The following RBFOX2 variants were observed in gnomAD, a reference collection of about 807,000 sequenced individuals.
RBFOX2 encodes the protein RNA binding protein fox-1 homolog 2.
Under a neutral mutation model 49.1 loss-of-function variants are expected in RBFOX2, and 10 were observed. The observed-to-expected ratio is 0.20, with a 90% CI of 0.13 to 0.35. The LOEUF (loss-of-function observed/expected upper bound fraction) is 0.35. Ranked by LOEUF, RBFOX2 falls within the 10% of genes least tolerant of loss-of-function variation. RBFOX2 has a pLI of 1.00. For missense variants in RBFOX2, 323 were observed against 486.9 expected (o/e 0.66, Z 3.17); for synonymous variants, 183 against 187.4 (o/e 0.98, Z 0.19).
At chr22:35,756,437 C>A (rs1936965809) in intron 9 of RBFOX2, among the ~76,000 whole-genome samples, 1 of 152,028 alleles carries the variant, frequency 6.6e-6, no homozygotes, top group Admixed American at 6.5e-5. Context: ...CCTAGAAGAG[C>A]CTATTATATC....
intron 1 of RBFOX2, among the ~76,000 whole-genome samples, chr22:35,901,874 G>A (rs2149453336): frequency 6.6e-6 from 1 of 152,130 alleles, no homozygotes; most frequent in East Asian, 1.9e-4. Context: ...TTGAGTTCAG[G>A]AGTTCAAGAC....
At chr22:35,914,011 G>A (rs1231753474) in intron 1 of RBFOX2, among the ~76,000 whole-genome samples, 2 of 152,138 alleles carry the variant, frequency 1.3e-5, no homozygotes, top group East Asian at 1.9e-4. Context: ...TGTGAAAGAG[G>A]AGACAGTAAT....
chr22:36,000,901 T>C (rs2058387517), intron 1 of RBFOX2, among the ~76,000 whole-genome samples: 1 of 152,070 alleles, frequency 6.6e-6, no homozygotes. Context: ...ATTTTAGAAA[T>C]GAAAGTTCTT....
intron 1 of RBFOX2, among the ~76,000 whole-genome samples, chr22:35,977,733 T>TATATAG (rs2057252898): frequency 9.6e-6 from 1 of 104,128 alleles, no homozygotes; most frequent in Non-Finnish European, 2.2e-5. Flanking sequence ...TATATATATA[T>TATATAG]ATATATATAT....
At chr22:35,752,628 G>A (rs895011983) in intron 9 of RBFOX2, 3 of 984,050 alleles carry the variant, frequency 3.0e-6, no homozygotes, top group Non-Finnish European at 3.6e-6. Flanking sequence ...GTATTTTAGC[G>A]CTAATGATTG....
chr22:35,792,790 T>C (rs1948018338), intron 2 of RBFOX2, among the ~76,000 whole-genome samples: 2 of 152,250 alleles, frequency 1.3e-5, no homozygotes. Context: ...AAAAACACTT[T>C]AAAATTTTCA....
At chr22:35,972,844 G>A (rs2056954399) in intron 1 of RBFOX2, among the ~76,000 whole-genome samples, 1 of 152,108 alleles carries the variant, frequency 6.6e-6, no homozygotes, top group Non-Finnish European at 1.5e-5. Flanking sequence ...AACCAAGACA[G>A]GCCATTAAAA....
Position 35,961,192 on chromosome 22 carries a change from C to T in RBFOX2, c.42+371G>A, listed in dbSNP as rs1459472591. The stretch of plus-strand genomic sequence containing the variant: ...CAGCAGGCATTAATGAAGCATTTAA[C>T]TGCATGCAGCACCATAAAAGGTATT... On this transcript the variant is annotated intron_variant, in intron 1 of 5. Transcript: ENST00000408983. Among the ~76,000 whole-genome samples the T allele has an allele frequency of 5.9e-5, 9 of 152,312 alleles. No homozygotes were observed. In the East Asian group the frequency reaches 1.7e-3, roughly 29 times the overall value.
intron 1 of RBFOX2, among the ~76,000 whole-genome samples, chr22:35,882,031 A>G (rs1190826971): frequency 3.9e-5 from 6 of 152,046 alleles, no homozygotes; most frequent in Non-Finnish European, 7.4e-5. Context: ...AACTTAATAT[A>G]TGTTAAAGGA....
upstream of RBFOX2, among the ~76,000 whole-genome samples, chr22:35,964,485 A>G (rs1399686389): frequency 2.0e-5 from 3 of 152,244 alleles, no homozygotes; most frequent in Non-Finnish European, 4.4e-5. Flanking sequence ...AAATGAAATG[A>G]CAAAACTTCA....
intron 1 of RBFOX2, among the ~76,000 whole-genome samples, chr22:35,921,836 T>C (rs928086422): frequency 2.6e-5 from 4 of 152,204 alleles, no homozygotes; most frequent in African/African-American, 9.7e-5. Flanking sequence ...GTCTGGTAAA[T>C]TCATCTGGGG....
chr22:35,860,411 C>T (rs541737553), intron 1 of RBFOX2, among the ~76,000 whole-genome samples: 3 of 152,284 alleles, frequency 2.0e-5, no homozygotes, highest in Admixed American at 6.5e-5. Flanking sequence ...TCAGCAAATG[C>T]GGCCAAGACT....
chr22:36,016,392 GC>G, intron 1 of RBFOX2, among the ~76,000 whole-genome samples: 1 of 151,984 alleles, frequency 6.6e-6, no homozygotes, highest in Non-Finnish European at 1.5e-5. Context: ...GAGTCCCACG[GC>G]CACACCACCC....
At chr22:35,939,758 C>G (rs1349413523), upstream of RBFOX2, among the ~76,000 whole-genome samples, 1 of 152,154 alleles carries the variant, frequency 6.6e-6, no homozygotes. Flanking sequence ...CATGAACACT[C>G]ATTTCCAGCT....
intron 1 of RBFOX2, among the ~76,000 whole-genome samples, chr22:35,955,341 C>T (rs1230702542): frequency 1.3e-5 from 2 of 152,072 alleles, no homozygotes; most frequent in Admixed American, 1.3e-4. Context: ...ATGTTAATTC[C>T]TTTAAAAGTA....
intron 1 of RBFOX2, among the ~76,000 whole-genome samples, chr22:35,906,990 G>C (rs1483718498): frequency 6.6e-6 from 1 of 152,078 alleles, no homozygotes; most frequent in Non-Finnish European, 1.5e-5. Context: ...TTGCATAAAA[G>C]TATATACATT....
chr22:35,944,269 C>T (rs2054023427), intron 1 of RBFOX2, among the ~76,000 whole-genome samples: 1 of 152,076 alleles, frequency 6.6e-6, no homozygotes, highest in South Asian at 2.1e-4. Flanking sequence ...TAACTTCAAA[C>T]CTATTAGGAC....
At chr22:35,742,144 A>G (rs1003336128) in exon 12 of RBFOX2, 5 of 152,194 alleles carry the variant, frequency 3.3e-5, no homozygotes, top group African/African-American at 1.2e-4. Flanking sequence ...GCAACAAACC[A>G]AACTTTGGCT....
At chr22:35,960,156 T>G (rs1274856599) in intron 1 of RBFOX2, among the ~76,000 whole-genome samples, 5 of 152,226 alleles carry the variant, frequency 3.3e-5, no homozygotes, top group African/African-American at 1.2e-4. Context: ...CTCAGAATTC[T>G]GTAATTCAAA....
Sources: gnomAD v4.1 joint callset for allele counts (sites outside exome capture counted in the v4.1 genomes callset) on GRCh38, gnomAD v4.1.1 for gene constraint, MANE v1.5 for transcripts, NCBI Gene and HGNC (gene_info 2026-07-23, HGNC 2026-07-21) for gene names.